ZFAT: variants seen among roughly 807,000 people sequenced by gnomAD.
ZFAT encodes zinc finger and AT-hook domain containing, also known as zinc finger protein ZFAT.
ZFAT carries 64 observed loss-of-function variants against 117.7 expected under a neutral mutation model. The observed-to-expected ratio is 0.54, with a 90% CI of 0.44 to 0.67. The LOEUF (loss-of-function observed/expected upper bound fraction) is 0.67, where lower values mean the gene tolerates loss of function less well. ZFAT is among the 30% of genes least tolerant of loss of function. ZFAT has a pLI of 0.00. For synonymous variants in ZFAT, 679 were observed against 615.0 expected, an observed-to-expected ratio of 1.10 and a Z score of -1.54; for missense variants, 1,433 against 1,584.5, an observed-to-expected ratio of 0.90 and a Z score of 1.62.
intron 15 of ZFAT, among the ~76,000 whole-genome samples, chr8:134,499,600 G>A (rs1195313906): frequency 6.6e-6 from 1 of 151,206 alleles, no homozygotes; most frequent in African/African-American, 2.4e-5. Context: ...GTTACACACA[G>A]AGCCTGATTT....
the ZFAT span, among the ~76,000 whole-genome samples, chr8:134,741,208 G>T: frequency 6.6e-6 from 1 of 151,524 alleles, no homozygotes; most frequent in African/African-American, 2.4e-5. Flanking sequence ...TCCCCATCTC[G>T]CCCCCACCCC....
rs375399466 is a variant in ZFAT, at chr8:134,601,802, C to T, written c.1917G>A (p.Gln639=). The T allele has an allele frequency of 9.3e-5, 150 of 1,613,830 alleles. No individual in the cohort carries two copies. Among genetic ancestry groups the T allele is most frequent in the Non-Finnish European group, 1.2e-4 (141 of 1,179,934 alleles). Residue 639 remains glutamine (Q), a synonymous_variant, in exon 6 of 16, where the codon CAG becomes CAA. Transcript: ENST00000377838. ...EVITLLLSKA[Q]SAGSDQESHG... is the part of the protein sequence containing the mutation. ...GGCTTTCCTGATCTGACCCAGCACT[C>T]TGGGCCTTGGACAGCAGTAGTGTGA...
At chr8:134,776,528 T>C in the ZFAT span, among the ~76,000 whole-genome samples, 1 of 152,162 alleles carries the variant, frequency 6.6e-6, no homozygotes. Flanking sequence ...TCGTTTTTTG[T>C]TGTTGTTGTT....
Position 134,601,569 on chromosome 8 carries a change from T to A in ZFAT, c.2150A>T (p.Lys717Met). ...CTTCTTCTGTAAACTGTTCAGGACC[T>A]TCATGAAAGCGGTGATGCCTGACCG... ...EHRSGITAFM[K>M]VLNSLQKKQM... The change falls in exon 6 of 16, where the codon AAG (lysine) becomes ATG (methionine). Residue 717 changes from lysine to methionine, a missense_variant. Lys to Met is a moderately conservative substitution (Grantham distance 95). Transcript: ENST00000377838. 2 of 1,614,222 alleles carry A rather than the reference T, an allele frequency of 1.2e-6. No individual in the cohort carries two copies. The highest frequency in any genetic ancestry group is 1.7e-6 in the Non-Finnish European group (2 of 1,180,042).
At chr8:134,760,002 C>T in the ZFAT span, among the ~76,000 whole-genome samples, 26 of 138,828 alleles carry the variant, frequency 1.9e-4, no homozygotes, top group Middle Eastern at 4.8e-3. Context: ...AAACAGAGGC[C>T]GGGTGCGGTG....
Position 134,599,716 on chromosome 8 carries a change from A to T in ZFAT, c.2475+720T>A, listed in dbSNP as rs1827258914. 12 of 449,764 alleles carry T rather than the reference A, an allele frequency of 2.7e-5. 1 individual carries two copies. The highest frequency in any genetic ancestry group is 1.9e-4 in the South Asian group (12 of 62,508). The allele number at this position is 449,764 out of a possible 1,614,324, so 27.9% of individuals were successfully genotyped here. On this transcript the variant is annotated intron_variant, in intron 7 of 15. Coordinates refer to ENST00000377838, the MANE Select transcript of ZFAT (RefSeq NM_020863.4). ...TGTAGCATAAAAAGGCATTCAATTAAAACAGAACCACACCTGGGGCCAGAT... is the reference window on the plus strand; with the variant it reads ...TGTAGCATAAAAAGGCATTCAATTATAACAGAACCACACCTGGGGCCAGAT...
At position 134,629,878 on chromosome 8, in the gene ZFAT, G is replaced by A. The variant is rs146717576; in HGVS notation, c.448+7583C>T. On this transcript the variant is annotated intron_variant, in intron 3 of 15. Transcript: ENST00000377838. ...CAAGTGAACTGTGGAGAGAAGAAATGACAGATGCTCTTCTGAGCCAAGGTG... is the reference window on the plus strand; with the variant it reads ...CAAGTGAACTGTGGAGAGAAGAAATAACAGATGCTCTTCTGAGCCAAGGTG... Among the ~76,000 whole-genome samples, 25 of 152,316 alleles carry A rather than the reference G, an allele frequency of 1.6e-4. No homozygotes were observed. In the East Asian group the frequency reaches 4.8e-3, roughly 29 times the overall value.
chr8:134,668,583 C>A (rs6995026), intron 1 of ZFAT, among the ~76,000 whole-genome samples: 4 of 152,072 alleles, frequency 2.6e-5, no homozygotes, highest in East Asian at 3.9e-4. Flanking sequence ...AAAGGACATC[C>A]ACACCAAAAC....
chr8:134,509,881 A>C (rs954952077), intron 14 of ZFAT, 132 bp from the exon 15 acceptor site: 18 of 1,179,548 alleles, frequency 1.5e-5, no homozygotes, highest in Non-Finnish European at 3.6e-6. Flanking sequence ...GTAATCGCTC[A>C]GTTTGACAAC....
At chr8:134,616,092 C>A (rs536740845) in intron 3 of ZFAT, among the ~76,000 whole-genome samples, 1 of 152,278 alleles carries the variant, frequency 6.6e-6, no homozygotes, top group South Asian at 2.1e-4. Flanking sequence ...GAGACTCTGG[C>A]CTACAAAAGC....
chr8:134,532,718 T>C (rs1426616864), intron 12 of ZFAT, 116 bp downstream of exon 12: 5 of 1,342,358 alleles, frequency 3.7e-6, no homozygotes, highest in Non-Finnish European at 5.0e-6. Flanking sequence ...AGAATGAACA[T>C]CACTGGCACA....
chr8:134,565,713 C>T (rs1418382834), intron 10 of ZFAT: 17 of 480,770 alleles, frequency 3.5e-5, no homozygotes, highest in Non-Finnish European at 4.2e-5. Flanking sequence ...AAGGGTGTGT[C>T]CAGCTGCCCA....
At position 134,595,132 on chromosome 8, in the gene ZFAT, G is replaced by A. The variant is rs77367140; in HGVS notation, c.2476-4777C>T. On this transcript the variant is annotated intron_variant, in intron 7 of 15. Coordinates refer to ENST00000377838, the MANE Select transcript of ZFAT (RefSeq NM_020863.4). ...ATATGTATTTAAGGAGACCCACAGG[G>A]GTCACCCATCTGACAGCAACACCCA... Among the ~76,000 whole-genome samples the A allele has an allele frequency of 9.1e-4, 138 of 152,160 alleles. No homozygotes were observed. In the East Asian group the frequency reaches 0.023, roughly 25 times the overall value.
the ZFAT span, chr8:134,784,641 T>C: frequency 1.3e-5 from 2 of 152,122 alleles, no homozygotes; most frequent in Non-Finnish European, 2.9e-5. Flanking sequence ...CCATTTCATA[T>C]AAAAAGAAAG....
chr8:134,580,520 A>G (rs1825643698), intron 10 of ZFAT, among the ~76,000 whole-genome samples: 1 of 152,244 alleles, frequency 6.6e-6, no homozygotes, highest in South Asian at 2.1e-4. Flanking sequence ...AACTTGATGA[A>G]CAATTCTGAA....
the ZFAT span, chr8:134,797,834 A>T: frequency 6.6e-6 from 1 of 152,010 alleles, no homozygotes; most frequent in Non-Finnish European, 1.5e-5. Flanking sequence ...AAAATTAAAA[A>T]AATAAAAATA....
intron 1 of ZFAT, among the ~76,000 whole-genome samples, chr8:134,696,039 G>A (rs141085396): frequency 6.0e-4 from 87 of 145,434 alleles, no homozygotes; most frequent in African/African-American, 1.4e-3. Flanking sequence ...AACCAAGGAG[G>A]CACCATCCCC....
At chr8:134,504,817 T>C (rs1204562037) in intron 15 of ZFAT, among the ~76,000 whole-genome samples, 1 of 152,160 alleles carries the variant, frequency 6.6e-6, no homozygotes, top group Non-Finnish European at 1.5e-5. Context: ...CATTACTCTA[T>C]GCAGGCCCTC....
At chr8:134,822,378 T>G in the ZFAT span, among the ~76,000 whole-genome samples, 1 of 152,082 alleles carries the variant, frequency 6.6e-6, no homozygotes, top group Non-Finnish European at 1.5e-5. Context: ...CAAATTCCCA[T>G]ATGTTCTCTG....
Sources: gnomAD v4.1 joint callset for allele counts (sites outside exome capture counted in the v4.1 genomes callset) on GRCh38, gnomAD v4.1.1 for gene constraint, MANE v1.5 for transcripts, NCBI Gene and HGNC (gene_info 2026-07-23, HGNC 2026-07-21) for gene names.